Variants in SDK1 observed in about 807,000 individuals in gnomAD.
SDK1 encodes protein sidekick-1.
In SDK1, 157 loss-of-function variants were observed where a neutral mutation model predicts 245.5. The ratio of observed to expected loss-of-function variants is 0.64; its 90% CI spans 0.56 to 0.73. The LOEUF (loss-of-function observed/expected upper bound fraction) is 0.73. Ranked by LOEUF, SDK1 falls within the 30% of genes least tolerant of loss-of-function variation. SDK1 has a pLI of 0.00. For missense variants in SDK1, 3,583 were observed against 3,002.3 expected (o/e 1.19, Z -4.52); for synonymous variants, 1,647 against 1,278.5 (o/e 1.29, Z -6.15).
At chr7:3,454,533 C>T (rs1198807970) in intron 1 of SDK1, among the ~76,000 whole-genome samples, 1 of 152,030 alleles carries the variant, frequency 6.6e-6, no homozygotes, top group Admixed American at 6.6e-5. Flanking sequence ...GTTGTCCTTT[C>T]ATAACTATCC....
chr7:4,265,119 C>T lies in SDK1; in HGVS notation c.6382-5C>T, dbSNP rs776885294. The T allele has an allele frequency of 1.9e-6, 3 of 1,610,152 alleles. No homozygotes were observed. Among genetic ancestry groups the T allele is most frequent in the East Asian group, 2.2e-5 (1 of 44,800 alleles). On this transcript the variant is annotated splice_region_variant and splice_polypyrimidine_tract_variant and intron_variant, in intron 44 of 44. Transcript: ENST00000404826. ...CACTCACACCTTCTCTCCCGCTCCC[C>T]GCAGGCCACGGACTCTGACTACGAG...
chr7:3,403,869 A>ATG (rs1554266408), intron 1 of SDK1, among the ~76,000 whole-genome samples: 1 of 88,902 alleles, frequency 1.1e-5, no homozygotes, highest in Non-Finnish European at 2.2e-5. Flanking sequence ...ATATATATAT[A>ATG]ATATATATAT....
At chr7:3,617,291 A>G (rs1476866436) in intron 1 of SDK1, among the ~76,000 whole-genome samples, 1 of 152,230 alleles carries the variant, frequency 6.6e-6, no homozygotes, top group Non-Finnish European at 1.5e-5. Flanking sequence ...GGTGCTAGGA[A>G]TTCAGAAGTG....
intron 3 of SDK1, 119 bp from the exon 4 acceptor site, chr7:3,641,839 G>C: frequency 1.2e-6 from 1 of 803,804 alleles, no homozygotes; most frequent in Non-Finnish European, 2.0e-6. Flanking sequence ...CGCTCGTCCT[G>C]GTGTGAAATG....
intron 1 of SDK1, among the ~76,000 whole-genome samples, chr7:3,394,053 A>G (rs957289366): frequency 2.6e-5 from 4 of 152,180 alleles, no homozygotes; most frequent in South Asian, 2.1e-4. Context: ...CCCTAAGGCC[A>G]GTAACACTGG....
chr7:3,438,757 C>G (rs552886247), intron 1 of SDK1, among the ~76,000 whole-genome samples: 1 of 152,108 alleles, frequency 6.6e-6, no homozygotes, highest in Non-Finnish European at 1.5e-5. Flanking sequence ...CCTTTCACTT[C>G]AAACAACTCA....
chr7:3,872,232 A>G (rs1434979626), intron 5 of SDK1, among the ~76,000 whole-genome samples: 2 of 152,144 alleles, frequency 1.3e-5, no homozygotes, highest in Non-Finnish European at 2.9e-5. Flanking sequence ...TTCTCTATTC[A>G]TGAGAGTTAT....
At chr7:3,913,897 G>A (rs1361020178) in intron 5 of SDK1, among the ~76,000 whole-genome samples, 1 of 152,194 alleles carries the variant, frequency 6.6e-6, no homozygotes, top group East Asian at 1.9e-4. Context: ...GGAGATGACT[G>A]ATTTGCCCCA....
At chr7:4,031,075 CTATA>C in intron 17 of SDK1, among the ~76,000 whole-genome samples, 1 of 152,216 alleles carries the variant, frequency 6.6e-6, no homozygotes, top group South Asian at 2.1e-4. Flanking sequence ...ACATCTGCAT[CTATA>C]TATACACATG....
chr7:3,388,073 A>T (rs536836255), intron 1 of SDK1, among the ~76,000 whole-genome samples: 1 of 152,262 alleles, frequency 6.6e-6, no homozygotes, highest in African/African-American at 2.4e-5. Flanking sequence ...GATAGAAGGC[A>T]CTCTGGGAAT....
rs183713497 is a variant in SDK1, at chr7:4,261,390, T to C, written c.6382-3734T>C. ...GGGAGCTGGCAACTCTCCCATCCCC[T>C]GCCCACCCCCGCCTCCAGCTGCAAG... On this transcript the variant is annotated intron_variant, in intron 44 of 44. Coordinates refer to ENST00000404826, the MANE Select transcript of SDK1 (RefSeq NM_152744.4). Among the ~76,000 whole-genome samples, 524 of 147,022 alleles carry C rather than the reference T, an allele frequency of 3.6e-3. 4 individuals are homozygous for C. Among genetic ancestry groups the C allele is most frequent in the African/African-American group, 0.013 (512 of 40,570 alleles).
intron 5 of SDK1, among the ~76,000 whole-genome samples, chr7:3,823,045 A>G (rs1463094999): frequency 6.6e-6 from 1 of 152,040 alleles, no homozygotes; most frequent in East Asian, 1.9e-4. Context: ...CTTGGCACAG[A>G]TTTAGGATGA....
At position 3,991,300 on chromosome 7, in the gene SDK1, C is replaced by G. The variant is rs555725307; in HGVS notation, c.2131+3978C>G. Among the ~76,000 whole-genome samples the G allele has an allele frequency of 3.2e-4, 48 of 152,196 alleles. No individual in the cohort carries two copies. In the South Asian group the frequency reaches 5.2e-3, roughly 17 times the overall value. ...TTGCTGGCGGCGTGTATTGGTGTTA[C>G]CTGGGAAAGTTCTTCCTCCTTCTTG... On this transcript the variant is annotated intron_variant, in intron 14 of 44. Transcript: ENST00000404826.
intron 4 of SDK1, among the ~76,000 whole-genome samples, chr7:3,775,596 G>C (rs1780531665): frequency 6.8e-6 from 1 of 147,794 alleles, no homozygotes; most frequent in Admixed American, 6.7e-5. Flanking sequence ...TTGAGACAGA[G>C]TCTTGCTCTG....
intron 4 of SDK1, among the ~76,000 whole-genome samples, chr7:3,783,572 C>G (rs1219901058): frequency 6.6e-6 from 1 of 151,296 alleles, no homozygotes; most frequent in Non-Finnish European, 1.5e-5. Flanking sequence ...TATATGCAAA[C>G]AATGAACTAT....
intron 5 of SDK1, among the ~76,000 whole-genome samples, chr7:3,884,302 C>G (rs781177685): frequency 6.6e-5 from 10 of 152,248 alleles, no homozygotes; most frequent in Non-Finnish European, 1.3e-4. Flanking sequence ...TCCCACTAGA[C>G]TGAGGCTCAG....
chr7:4,039,791 T>A lies in SDK1; in HGVS notation c.2603-9557T>A, dbSNP rs149378924. Among the ~76,000 whole-genome samples, 504 of 152,312 alleles carry A rather than the reference T, an allele frequency of 3.3e-3. 9 individuals carry two copies. Among genetic ancestry groups the A allele is most frequent in the African/African-American group, 0.012 (491 of 41,556 alleles). ...TTGAGATTCCATCAGTAATCAGATC[T>A]TGCTAAATTTACATCATCACTAGCC... is the stretch of plus-strand genomic sequence containing the variant. On this transcript the variant is annotated intron_variant, in intron 17 of 44. Transcript: ENST00000404826.
intron 4 of SDK1, among the ~76,000 whole-genome samples, chr7:3,756,897 T>C (rs1008312743): frequency 5.9e-5 from 9 of 152,232 alleles, no homozygotes; most frequent in Non-Finnish European, 7.3e-5. Flanking sequence ...TCACCATGAC[T>C]TATTCCTGGC....
chr7:3,932,058 T>C (rs1165838695), intron 5 of SDK1, among the ~76,000 whole-genome samples: 1 of 152,220 alleles, frequency 6.6e-6, no homozygotes, highest in African/African-American at 2.4e-5. Flanking sequence ...ATCATTGACC[T>C]GCCACGTTTT....
Sources: gnomAD v4.1 joint callset for allele counts (sites outside exome capture counted in the v4.1 genomes callset) on GRCh38, gnomAD v4.1.1 for gene constraint, MANE v1.5 for transcripts, NCBI Gene and HGNC (gene_info 2026-07-23, HGNC 2026-07-21) for gene names.